Variants in MYH6 observed in about 807,000 individuals in gnomAD.
The protein encoded by MYH6 is myosin heavy chain 6, also known as myosin-6.
In MYH6, 126 loss-of-function variants were observed where a neutral mutation model predicts 223.2. The ratio of observed to expected loss-of-function variants is 0.56; its 90% CI spans 0.49 to 0.65. The LOEUF (loss-of-function observed/expected upper bound fraction) is 0.65, where lower values mean the gene tolerates loss of function less well. Ranked by LOEUF, MYH6 falls within the 30% of genes least tolerant of loss-of-function variation. The probability of loss-of-function intolerance (pLI) is 0.00; values close to 1 mark genes in which losing one functional copy is unlikely to be tolerated. For synonymous variants in MYH6, 978 were observed against 1,010.2 expected (o/e 0.97, Z 0.61); for missense variants, 2,040 against 2,536.4 (o/e 0.80, Z 4.20).
rs373092927 is a variant in MYH6, at chr14:23,385,066, T to A, written c.5164-25A>T. ...TCTAGACATGGAGAGAGAAAAATGA[T>A]CAAATATATACTACACTTTGTTACC... is the stretch of plus-strand genomic sequence containing the variant. On this transcript the variant is annotated intron_variant, in intron 34 of 38. Coordinates refer to ENST00000405093, the MANE Select transcript of MYH6 (RefSeq NM_002471.4). 5.6e-5 allele frequency: 91 copies of A among 1,613,864 alleles called. 1 individual carries two copies. In the African/African-American group the frequency reaches 1.1e-3, roughly 20 times the overall value.
chr14:23,384,686 T>C lies in MYH6; in HGVS notation c.5321A>G (p.Glu1774Gly), dbSNP rs769880184. ...CTCCAGGTGGGCGCTGGTGTCCTGC[T>C]CCTTCTTCAGCTCCTCTGCCATCAT... ...AAMMAEELKKEQDTSAHLERM... is the reference protein window; with the variant it reads ...AAMMAEELKKGQDTSAHLERM... The change falls in exon 36 of 39, where the codon GAG becomes GGG. Residue 1774 changes from glutamate to glycine, a missense_variant. This residue lies in a region of MYH6 where 1,203 missense variants were observed against 1,400.2 expected (regional missense o/e 0.86). Transcript: ENST00000405093. 2 of 1,614,114 alleles carry C rather than the reference T, an allele frequency of 1.2e-6. No homozygotes were observed. The highest frequency in any genetic ancestry group is 4.5e-5 in the East Asian group (2 of 44,900).
chr14:23,398,717 T>C lies in MYH6; in HGVS notation c.1891+11A>G, dbSNP rs747578392. 1 of 1,614,088 alleles carries C rather than the reference T, an allele frequency of 6.2e-7. No individual in the cohort carries two copies. Among genetic ancestry groups the C allele is most frequent in the South Asian group, 1.1e-5 (1 of 91,074 alleles). On this transcript the variant is annotated intron_variant, in intron 15 of 38. Coordinates refer to ENST00000405093, the MANE Select transcript of MYH6 (RefSeq NM_002471.4). ...AAGTCCCCTGGCCCAGTGCAGGGGC[T>C]GCCTGCTTACCAGTATCGGCAGTTG...
intron 25 of MYH6, among the ~76,000 whole-genome samples, chr14:23,391,867 G>A (rs1439169308): frequency 6.6e-6 from 1 of 152,260 alleles, no homozygotes; most frequent in Non-Finnish European, 1.5e-5. Context: ...AGAGGAATGA[G>A]AAGGCCATTG....
rs373081153 is a variant in MYH6, at chr14:23,390,069, G to T, written c.3720C>A (p.Ile1240=). 105 of 1,613,356 alleles carry T rather than the reference G, an allele frequency of 6.5e-5. No individual in the cohort carries two copies. Among genetic ancestry groups the T allele is most frequent in the Middle Eastern group, 1.8e-4 (1 of 5,660 alleles). ...GAGCAGAGCCTGCCTTGGCCTTGATGATCTGCTCCATGTTGGAGGTGACGT... is the reference window on the plus strand; with the variant it reads ...GAGCAGAGCCTGCCTTGGCCTTGATTATCTGCTCCATGTTGGAGGTGACGT... ...LDDVTSNMEQ[I]IKAKANLEKV... Residue 1240 remains isoleucine, a synonymous_variant, in exon 26 of 39, where the codon ATC becomes ATA. Coordinates refer to ENST00000405093, the MANE Select transcript of MYH6 (RefSeq NM_002471.4).
intron 15 of MYH6, among the ~76,000 whole-genome samples, 177 bp downstream of exon 15, chr14:23,398,551 G>A (rs1595060262): frequency 1.3e-5 from 2 of 152,344 alleles, no homozygotes; most frequent in African/African-American, 2.4e-5. Context: ...AACACAAAGT[G>A]GAGAACGGCA....
Position 23,405,596 on chromosome 14 carries a change from G to A in MYH6, c.345+31C>T, listed in dbSNP as rs1392356717. The A allele has an allele frequency of 6.2e-7, 1 of 1,614,052 alleles. No individual in the cohort carries two copies. The highest frequency in any genetic ancestry group is 1.7e-5 in the Admixed American group (1 of 60,020). On this transcript the variant is annotated intron_variant, in intron 4 of 38. Transcript: ENST00000405093. The surrounding 1 kb of genome is among the most constrained non-coding windows in gnomAD (Gnocchi z 4.7). The stretch of plus-strand genomic sequence containing the variant: ...TTATTTAGGCCTCCACGCAGCACAG[G>A]AAGCCTCTGCAGTGTGCAGGAGCCA...
intron 15 of MYH6, 143 bp downstream of exon 15, chr14:23,398,585 C>G: frequency 1.1e-6 from 1 of 893,524 alleles, no homozygotes; most frequent in East Asian, 2.5e-5. Context: ...CCCAGCTGGA[C>G]TGTGGTGAGG....
intron 28 of MYH6, 47 bp downstream of exon 28, chr14:23,389,345 GC>G (rs1350392815): frequency 1.1e-5 from 17 of 1,585,792 alleles, no homozygotes; most frequent in Non-Finnish European, 1.5e-5. Flanking sequence ...GAGATGAATT[GC>G]CCCAGGGCTG....
At chr14:23,398,544 A>G (rs1891499256) in intron 15 of MYH6, among the ~76,000 whole-genome samples, 184 bp downstream of exon 15, 1 of 152,162 alleles carries the variant, frequency 6.6e-6, no homozygotes, top group Non-Finnish European at 1.5e-5. Flanking sequence ...CACTCATAAC[A>G]CAAAGTGGAG....
At chr14:23,400,087 T>G in intron 14 of MYH6, 169 bp downstream of exon 14, 2 of 997,442 alleles carry the variant, frequency 2.0e-6, no homozygotes, top group Non-Finnish European at 3.0e-6. Flanking sequence ...AAAGGAAGAG[T>G]GGGGGGATCA....
chr14:23,402,555 G>A lies in MYH6; in HGVS notation c.1050C>T (p.Val350=), dbSNP rs946284046. The change falls in exon 12 of 39, where the codon GTC becomes GTT. Residue 350 remains valine, a synonymous_variant. Transcript: ENST00000405093. ...GCATGATGGCTCCCGTCAGCTTGTA[G>A]ACGCCAGCTTTCTCCTCTGAAGTGA... ...LGFTSEEKAG[V]YKLTGAIMHY... 2.5e-6 allele frequency: 4 copies of A among 1,613,650 alleles called. No homozygotes were observed. Among genetic ancestry groups the A allele is most frequent in the East Asian group, 2.2e-5 (1 of 44,800 alleles).
Position 23,382,409 on chromosome 14 carries a change from G to A in MYH6, c.5796+19C>T. 4 of 1,613,930 alleles carry A rather than the reference G, an allele frequency of 2.5e-6. No individual in the cohort carries two copies. Among genetic ancestry groups the A allele is most frequent in the Non-Finnish European group, 3.4e-6 (4 of 1,180,024 alleles). On this transcript the variant is annotated intron_variant, in intron 38 of 38. Coordinates refer to ENST00000405093, the MANE Select transcript of MYH6 (RefSeq NM_002471.4). The stretch of plus-strand genomic sequence containing the variant: ...TGCTAATGTGGAAGTGACTAGTGAA[G>A]CCCAGGGGAGGGACCCACCTTGGCA...
intron 3 of MYH6, among the ~76,000 whole-genome samples, chr14:23,406,178 C>CT (rs1316564994): frequency 6.6e-6 from 1 of 152,170 alleles, no homozygotes; most frequent in Non-Finnish European, 1.5e-5. Context: ...TTGCTCAGGG[C>CT]AAACCTTCAC....
At chr14:23,389,798 G>A in intron 26 of MYH6, 79 bp from the exon 27 acceptor site, 2 of 1,610,022 alleles carry the variant, frequency 1.2e-6, no homozygotes, top group Non-Finnish European at 1.7e-6. Context: ...TCAGAGATGG[G>A]GAATGCCAGA....
chr14:23,392,252 G>T, intron 25 of MYH6, among the ~76,000 whole-genome samples: 1 of 152,060 alleles, frequency 6.6e-6, no homozygotes, highest in East Asian at 1.9e-4. Context: ...ACTACCAGAG[G>T]AAGGGTTAGA....
rs551784990 is a variant in MYH6 at position 23,404,421 on chromosome 14, C to T, written c.643-33G>A. 2 of 1,609,532 alleles carry T rather than the reference C, an allele frequency of 1.2e-6. 1 individual carries two copies. The highest frequency in any genetic ancestry group is 2.7e-5 in the African/African-American group (2 of 74,942). ...AGGAGCAGAACTGCATGGGTTCATC[C>T]TCCATCCACCTCCAGGCAGTGGTGA... On this transcript the variant is annotated intron_variant, in intron 7 of 38. Coordinates refer to ENST00000405093, the MANE Select transcript of MYH6 (RefSeq NM_002471.4).
chr14:23,383,299 G>A lies in MYH6; in HGVS notation c.5587C>T (p.Leu1863=), dbSNP rs142767538. 10 of 958,688 alleles carry A rather than the reference G, an allele frequency of 1.0e-5. No individual in the cohort carries two copies. In the African/African-American group the frequency reaches 1.5e-4, roughly 15 times the overall value. 59.4% of individuals were successfully genotyped at this position (958,688 alleles called of 1,614,324 possible). A position where few individuals can be genotyped will look rare whatever the true frequency, so the allele number is the denominator to read the frequency against. The change falls in exon 37 of 39, where the codon CTG becomes TTG. Residue 1863 remains leucine, a synonymous_variant. Coordinates refer to ENST00000405093, the MANE Select transcript of MYH6 (RefSeq NM_002471.4). ...TCCACCAGGTCCTGTAGCCGCAGCA[G>A]GTTCTTTTTGTCTTCCTCTGTCTGG... ...TYQTEEDKKN[L]LRLQDLVDKL...
In MYH6 at chr14:23,404,884, C is replaced by T. The variant is rs1434735863; in HGVS notation, c.531-62G>A. On this transcript the variant is annotated intron_variant, in intron 6 of 38. Coordinates refer to ENST00000405093, the MANE Select transcript of MYH6 (RefSeq NM_002471.4). ...CTACTGTTCTCCATACAGGGCTCAG[C>T]ATCACATGCTCCCCTTCCCAGCCTG... 7 of 1,541,578 alleles carry T rather than the reference C, an allele frequency of 4.5e-6. No homozygotes were observed. In the Admixed American group the frequency reaches 1.2e-4, roughly 26 times the overall value.
intron 15 of MYH6, among the ~76,000 whole-genome samples, chr14:23,397,964 C>CTTCTTT (rs1891471655): frequency 8.0e-6 from 1 of 124,746 alleles, no homozygotes; most frequent in Non-Finnish European, 1.7e-5. Flanking sequence ...TCTTCTTCTT[C>CTTCTTT]TTCTTCTTCT....
Sources: gnomAD v4.1 joint callset for allele counts (sites outside exome capture counted in the v4.1 genomes callset) on GRCh38, gnomAD v4.1.1 for gene constraint, gnomAD v4.1.1 regional missense constraint, Gnocchi (gnomAD v3.1) non-coding constraint, MANE v1.5 for transcripts, NCBI Gene and HGNC (gene_info 2026-07-23, HGNC 2026-07-21) for gene names.